HDAC9: variants seen among roughly 807,000 people sequenced by gnomAD.
The protein encoded by HDAC9 is histone deacetylase 9.
HDAC9 carries 41 observed loss-of-function variants against 139.4 expected under a neutral mutation model. The observed-to-expected ratio is 0.29, with a 90% CI of 0.23 to 0.38. The LOEUF (loss-of-function observed/expected upper bound fraction) is 0.38, where lower values mean the gene tolerates loss of function less well. Among genes scored for constraint, HDAC9 ranks in the 10% least tolerant of loss-of-function variants. The pLI, the probability that HDAC9 is intolerant of heterozygous loss-of-function variation, is 1.00. For synonymous variants in HDAC9, 517 were observed against 476.2 expected, an observed-to-expected ratio of 1.09 and a Z score of -1.12; for missense variants, 1,147 against 1,297.0, an observed-to-expected ratio of 0.88 and a Z score of 1.78.
At chr7:18,762,704 A>G (rs1584993575) in intron 15 of HDAC9, among the ~76,000 whole-genome samples, 1 of 152,196 alleles carries the variant, frequency 6.6e-6, no homozygotes, top group African/African-American at 2.4e-5. Flanking sequence ...TACAACTTGT[A>G]TTAAGTGAAA....
intron 6 of HDAC9, among the ~76,000 whole-genome samples, chr7:18,620,529 A>G (rs1177156114): frequency 1.4e-5 from 2 of 147,710 alleles, no homozygotes; most frequent in Admixed American, 6.7e-5. Flanking sequence ...TTTTTTTTTT[A>G]ATACTAGAAC....
intron 2 of HDAC9, among the ~76,000 whole-genome samples, chr7:18,281,498 A>T (rs1797103471): frequency 6.6e-6 from 1 of 152,174 alleles, no homozygotes; most frequent in Non-Finnish European, 1.5e-5. Flanking sequence ...TCTTTAATTG[A>T]TTCTCTTTCC....
At chr7:18,652,274 A>G (rs1007414080) in intron 11 of HDAC9, among the ~76,000 whole-genome samples, 1 of 152,066 alleles carries the variant, frequency 6.6e-6, no homozygotes, top group East Asian at 1.9e-4. Flanking sequence ...TGATTGGAGG[A>G]AAAAAGAGTT....
At chr7:18,114,321 G>A (rs1783823459) in intron 1 of HDAC9, among the ~76,000 whole-genome samples, 1 of 152,226 alleles carries the variant, frequency 6.6e-6, no homozygotes, top group African/African-American at 2.4e-5. Context: ...GGCTACAATA[G>A]AGTTTGGGAA....
At chr7:18,208,372 C>CTTT (rs71553923) in intron 2 of HDAC9, among the ~76,000 whole-genome samples, 6,863 of 130,464 alleles carry the variant, frequency 0.053, 418 homozygotes, top group African/African-American at 0.11. Context: ...CTGAGAGTAT[C>CTTT]TTTTTTTTTT....
At chr7:18,619,366 A>G (rs1839587879) in intron 6 of HDAC9, among the ~76,000 whole-genome samples, 1 of 152,200 alleles carries the variant, frequency 6.6e-6, no homozygotes, top group African/African-American at 2.4e-5. Context: ...GTATACAGGC[A>G]TGTATTATTC....
At chr7:18,434,540 A>G (rs1188275205) in intron 1 of HDAC9, among the ~76,000 whole-genome samples, 1 of 152,232 alleles carries the variant, frequency 6.6e-6, no homozygotes, top group African/African-American at 2.4e-5. Flanking sequence ...ATTTAATCAA[A>G]TTAACAGGCA....
At chr7:18,557,099 G>T (rs1819035660) in intron 2 of HDAC9, among the ~76,000 whole-genome samples, 1 of 151,936 alleles carries the variant, frequency 6.6e-6, no homozygotes, top group South Asian at 2.1e-4. Flanking sequence ...TTGTATTTTA[G>T]CTATAAGTTA....
At chr7:18,493,158 A>G (rs1269680621), upstream of HDAC9, among the ~76,000 whole-genome samples, 3 of 151,930 alleles carry the variant, frequency 2.0e-5, no homozygotes, top group Admixed American at 1.3e-4. Context: ...TTTTTATTAT[A>G]AAAGCTGAGA....
intron 2 of HDAC9, among the ~76,000 whole-genome samples, chr7:18,186,527 T>G (rs1373981023): frequency 6.6e-6 from 1 of 152,184 alleles, no homozygotes; most frequent in East Asian, 1.9e-4. Flanking sequence ...CTACCAAATC[T>G]TAGGGAAAAC....
chr7:18,837,506 G>A (rs535984160), intron 21 of HDAC9, among the ~76,000 whole-genome samples: 2 of 151,884 alleles, frequency 1.3e-5, no homozygotes, highest in Non-Finnish European at 2.9e-5. Flanking sequence ...AGTTAACCTG[G>A]TAACTTGCAT....
chr7:18,384,533 T>A (rs1403906098), intron 1 of HDAC9, among the ~76,000 whole-genome samples: 2 of 152,174 alleles, frequency 1.3e-5, no homozygotes, highest in East Asian at 3.9e-4. Flanking sequence ...TATTCAATAT[T>A]TTTTCCTTAG....
At chr7:18,427,412 T>TC (rs1363645642) in intron 1 of HDAC9, among the ~76,000 whole-genome samples, 1 of 150,818 alleles carries the variant, frequency 6.6e-6, no homozygotes, top group East Asian at 1.9e-4. Context: ...ATTTCTTTAT[T>TC]TTTTTTTTAC....
At chr7:18,550,290 C>A (rs1337837142) in intron 2 of HDAC9, among the ~76,000 whole-genome samples, 1 of 152,148 alleles carries the variant, frequency 6.6e-6, no homozygotes, top group Non-Finnish European at 1.5e-5. Flanking sequence ...GTACTATATT[C>A]GATCCCATTT....
At chr7:18,628,369 GT>G (rs1258473044) in intron 6 of HDAC9, among the ~76,000 whole-genome samples, 2 of 152,014 alleles carry the variant, frequency 1.3e-5, no homozygotes, top group African/African-American at 4.8e-5. Flanking sequence ...CTTTCCAGAT[GT>G]TTTTATGGTT....
At chr7:18,829,398 T>A (rs1227790821) in intron 18 of HDAC9, 63 bp from the exon 19 acceptor site, 3 of 1,325,148 alleles carry the variant, frequency 2.3e-6, no homozygotes. Flanking sequence ...CTCTGAACAT[T>A]ATTTATAATG....
chr7:18,249,392 A>G (rs1414896642), intron 2 of HDAC9, among the ~76,000 whole-genome samples: 1 of 149,260 alleles, frequency 6.7e-6, no homozygotes, highest in South Asian at 2.2e-4. Flanking sequence ...AATCCCAGCT[A>G]GTCGGGAGGC....
At chr7:18,501,772 G>A (rs537138774) in intron 2 of HDAC9, among the ~76,000 whole-genome samples, 1 of 152,054 alleles carries the variant, frequency 6.6e-6, no homozygotes, top group East Asian at 1.9e-4. Context: ...TTTATAATAG[G>A]CATGTATTCT....
At chr7:18,337,605 A>T (rs1484536088) in intron 1 of HDAC9, among the ~76,000 whole-genome samples, 1 of 151,730 alleles carries the variant, frequency 6.6e-6, no homozygotes, top group African/African-American at 2.4e-5. Context: ...GACTCCGGCC[A>T]GCCTGATCAT....
Sources: allele counts gnomAD v4.1 joint callset (sites outside exome capture counted in the v4.1 genomes callset), GRCh38; gene constraint gnomAD v4.1.1; transcripts MANE v1.5; gene names NCBI Gene and HGNC (gene_info 2026-07-23, HGNC 2026-07-21).